The following SYNPR variants were observed in gnomAD, a reference collection of about 807,000 sequenced individuals.
The protein encoded by SYNPR is synaptoporin.
Under a neutral mutation model 32.9 loss-of-function variants are expected in SYNPR, and 23 were observed. The ratio of observed to expected loss-of-function variants is 0.70; its 90% CI spans 0.50 to 0.99. The LOEUF (loss-of-function observed/expected upper bound fraction) is 0.99, where lower values mean the gene tolerates loss of function less well. Among genes scored for constraint, SYNPR ranks in the 50% least tolerant of loss-of-function variants. The probability of loss-of-function intolerance (pLI) is 0.00; values close to 1 mark genes in which losing one functional copy is unlikely to be tolerated. For missense variants in SYNPR, 318 were observed against 349.3 expected (o/e 0.91, Z 0.71); for synonymous variants, 146 against 135.9 (o/e 1.07, Z -0.52).
At chr3:63,303,638 G>A (rs984631196) in intron 2 of SYNPR, among the ~76,000 whole-genome samples, 24 of 151,984 alleles carry the variant, frequency 1.6e-4, no homozygotes, top group African/African-American at 5.8e-4. Flanking sequence ...ACAGATATTT[G>A]TAACTATTGT....
At chr3:63,582,662 G>C (rs1244282427) in intron 4 of SYNPR, among the ~76,000 whole-genome samples, 1 of 152,000 alleles carries the variant, frequency 6.6e-6, no homozygotes, top group African/African-American at 2.4e-5. Flanking sequence ...ACAGGAATAG[G>C]TGCTACAGGA....
chr3:63,459,208 C>T (rs1700538520), intron 2 of SYNPR, among the ~76,000 whole-genome samples: 1 of 152,108 alleles, frequency 6.6e-6, no homozygotes. Context: ...CAGATTTACT[C>T]CCACTATTCA....
rs971264089 is a variant in SYNPR, at chr3:63,399,906, C to T, written c.85-80926C>T. ...TCCTAGTCTGGACCTTAAAAGGCTT[C>T]CCCATTTTTTGCTCATTATTTTGTG... On this transcript the variant is annotated intron_variant, in intron 2 of 5. Transcript: ENST00000478300. Among the ~76,000 whole-genome samples the T allele has an allele frequency of 3.9e-5, 6 of 152,262 alleles. No individual in the cohort carries two copies. In the East Asian group the frequency reaches 9.7e-4, roughly 24 times the overall value.
chr3:63,471,749 C>A lies in SYNPR; in HGVS notation c.85-9083C>A, dbSNP rs567095691. Among the ~76,000 whole-genome samples, 14 of 152,214 alleles carry A rather than the reference C, an allele frequency of 9.2e-5. No individual in the cohort carries two copies. The South Asian group carries it at 2.7e-3, about 29-fold the overall frequency. ...AAATGCCCTTTGGGGGTGTTGAGGACTAATCATCAGTTCAAGACAAATCAT... is the reference window on the plus strand; with the variant it reads ...AAATGCCCTTTGGGGGTGTTGAGGAATAATCATCAGTTCAAGACAAATCAT... On this transcript the variant is annotated intron_variant, in intron 2 of 5. Coordinates refer to ENST00000478300, the MANE Select transcript of SYNPR (RefSeq NM_001130003.2).
At chr3:63,402,791 T>A (rs2088309923) in intron 2 of SYNPR, among the ~76,000 whole-genome samples, 1 of 152,244 alleles carries the variant, frequency 6.6e-6, no homozygotes, top group African/African-American at 2.4e-5. Flanking sequence ...GCTGGAGGAA[T>A]ATTTGTTGCA....
chr3:63,522,449 A>C lies in SYNPR; in HGVS notation c.210-34094A>C, dbSNP rs561648585. Among the ~76,000 whole-genome samples the C allele has an allele frequency of 6.5e-4, 99 of 152,330 alleles. 1 individual carries two copies. The South Asian group carries it at 0.019, about 30-fold the overall frequency. The stretch of plus-strand genomic sequence containing the variant: ...TTTAGGCATCTCACCAAACTTCCTT[A>C]AGGGGATTATTGAAAGCAAAGCCAA... On this transcript the variant is annotated intron_variant, in intron 3 of 5. Coordinates refer to ENST00000478300, the MANE Select transcript of SYNPR (RefSeq NM_001130003.2).
intron 2 of SYNPR, among the ~76,000 whole-genome samples, chr3:63,406,472 ATT>A (rs571038837): frequency 7.6e-5 from 11 of 143,938 alleles, no homozygotes; most frequent in Non-Finnish European, 1.5e-4. Flanking sequence ...ATGTGATTCC[ATT>A]TTTTTTTTTT....
At position 63,615,415 on chromosome 3, in the gene SYNPR, G is replaced by C. The variant is rs754423454; in HGVS notation, c.792G>C (p.Leu264Phe). ...GTGGGTACAGTCAGCAGGCGAGTTT[G>C]GGGCCAACCTCAGATGAGTTTGGCC... is the stretch of plus-strand genomic sequence containing the variant. ...SSSGYSQQAS[L>F]GPTSDEFGQQ... Residue 264 changes from leucine to phenylalanine, a missense_variant, in exon 6 of 6, where the codon TTG becomes TTC. Coordinates refer to ENST00000478300, the MANE Select transcript of SYNPR (RefSeq NM_001130003.2). 4.3e-6 allele frequency: 7 copies of C among 1,613,900 alleles called. No homozygotes were observed. The highest frequency in any genetic ancestry group is 1.1e-5 in the South Asian group (1 of 91,044).
chr3:63,492,584 G>A (rs1264113262), intron 3 of SYNPR, among the ~76,000 whole-genome samples: 1 of 152,200 alleles, frequency 6.6e-6, no homozygotes, highest in East Asian at 1.9e-4. Context: ...GGCACTTACT[G>A]AAAATGATTG....
chr3:63,545,154 G>A (rs1475426036), intron 3 of SYNPR, among the ~76,000 whole-genome samples: 4 of 151,966 alleles, frequency 2.6e-5, no homozygotes, highest in East Asian at 1.9e-4. Flanking sequence ...TTACTATGTC[G>A]CCATTGGGTG....
chr3:63,451,422 G>A (rs947815336), intron 2 of SYNPR, among the ~76,000 whole-genome samples: 1 of 152,112 alleles, frequency 6.6e-6, no homozygotes, highest in African/African-American at 2.4e-5. Context: ...TAAATTGCAG[G>A]AAGAGAGAAT....
intron 3 of SYNPR, 123 bp downstream of exon 3, chr3:63,481,079 A>G: frequency 1.5e-6 from 2 of 1,351,262 alleles, no homozygotes; most frequent in Admixed American, 4.7e-5. Context: ...TTCTGCCTGC[A>G]CCCACGGAAT....
intron 2 of SYNPR, among the ~76,000 whole-genome samples, chr3:63,337,541 C>T (rs1436316430): frequency 6.6e-6 from 1 of 152,160 alleles, no homozygotes; most frequent in Non-Finnish European, 1.5e-5. Context: ...AAACTACGTC[C>T]ACACAAATAA....
chr3:63,383,182 G>C (rs2107071757), intron 2 of SYNPR, among the ~76,000 whole-genome samples: 1 of 152,206 alleles, frequency 6.6e-6, no homozygotes, highest in East Asian at 1.9e-4. Context: ...TTTGTATTCA[G>C]TTTTATTTCA....
At chr3:63,467,844 A>G (rs1455415098) in intron 2 of SYNPR, among the ~76,000 whole-genome samples, 1 of 152,082 alleles carries the variant, frequency 6.6e-6, no homozygotes, top group Non-Finnish European at 1.5e-5. Flanking sequence ...TATTGGAGAG[A>G]GATGATTTGA....
chr3:63,519,165 G>T (rs1337033694), intron 3 of SYNPR, among the ~76,000 whole-genome samples: 3 of 152,142 alleles, frequency 2.0e-5, no homozygotes, highest in African/African-American at 7.2e-5. Context: ...CGGCCTGCTA[G>T]TATTTGTTGA....
chr3:63,358,570 A>G (rs1206200026), intron 2 of SYNPR, among the ~76,000 whole-genome samples: 1 of 152,176 alleles, frequency 6.6e-6, no homozygotes, highest in East Asian at 1.9e-4. Context: ...GCTTTCAGGG[A>G]TTAGAACATG....
chr3:63,209,338 G>A, the SYNPR span, among the ~76,000 whole-genome samples: 4 of 149,406 alleles, frequency 2.7e-5, no homozygotes, highest in African/African-American at 7.4e-5. Context: ...AAAAAAGGTT[G>A]GGAAACAGTA....
intron 2 of SYNPR, among the ~76,000 whole-genome samples, chr3:63,308,253 T>G (rs1183251657): frequency 6.6e-6 from 1 of 152,046 alleles, no homozygotes; most frequent in Non-Finnish European, 1.5e-5. Flanking sequence ...TATATCTAAT[T>G]AATGGTGACG....
Sources: gnomAD v4.1 joint callset for allele counts (sites outside exome capture counted in the v4.1 genomes callset) on GRCh38, gnomAD v4.1.1 for gene constraint, MANE v1.5 for transcripts, NCBI Gene and HGNC (gene_info 2026-07-23, HGNC 2026-07-21) for gene names.